Variants in PDLIM5 observed in about 807,000 individuals in gnomAD.
PDLIM5 encodes the protein PDZ and LIM domain protein 5.
In PDLIM5, 34 loss-of-function variants were observed where a neutral mutation model predicts 64.2. The ratio of observed to expected loss-of-function variants is 0.53; its 90% confidence interval spans 0.40 to 0.71. PDLIM5 has a LOEUF of 0.71. Among genes scored for constraint, PDLIM5 ranks in the 30% least tolerant of loss-of-function variants. The pLI, the probability that PDLIM5 is intolerant of heterozygous loss-of-function variation, is 0.00. For synonymous variants in PDLIM5, 253 were observed against 269.1 expected (o/e 0.94, Z 0.59); for missense variants, 683 against 733.6 (o/e 0.93, Z 0.80).
At chr4:94,621,531 G>A (rs568379471) in intron 8 of PDLIM5, among the ~76,000 whole-genome samples, 2 of 152,318 alleles carry the variant, frequency 1.3e-5, no homozygotes, top group African/African-American at 4.8e-5. Flanking sequence ...GGTAGAAACC[G>A]AAGAGAAGGC....
chr4:94,660,575 C>T (rs548091902), intron 11 of PDLIM5, among the ~76,000 whole-genome samples: 44 of 152,188 alleles, frequency 2.9e-4, no homozygotes, highest in African/African-American at 1.0e-3. Flanking sequence ...TCATGACATC[C>T]TCTTTCCAAT....
intron 3 of PDLIM5, among the ~76,000 whole-genome samples, chr4:94,543,743 G>A (rs1189358044): frequency 1.3e-5 from 2 of 150,062 alleles, no homozygotes; most frequent in East Asian, 4.0e-4. Flanking sequence ...ACAAATGACA[G>A]GATTTCCTCA....
intron 3 of PDLIM5, among the ~76,000 whole-genome samples, chr4:94,557,555 A>G (rs1395319811): frequency 6.6e-6 from 1 of 152,146 alleles, no homozygotes; most frequent in Admixed American, 6.5e-5. Context: ...ATGTTCTTCC[A>G]TTTGTTTGTG....
intron 10 of PDLIM5, among the ~76,000 whole-genome samples, chr4:94,656,267 T>C (rs1475882902): frequency 1.3e-5 from 2 of 152,262 alleles, no homozygotes; most frequent in East Asian, 1.9e-4. Flanking sequence ...ATAAATATTA[T>C]AGAAAGAGTA....
intron 11 of PDLIM5, 22 bp downstream of exon 11, chr4:94,657,569 T>G (rs979786838): frequency 7.6e-6 from 12 of 1,582,022 alleles, no homozygotes; most frequent in Non-Finnish European, 8.6e-6. Context: ...GAGCCATTTG[T>G]TTCTTGAATT....
chr4:94,650,339 G>A (rs542517103), intron 9 of PDLIM5, among the ~76,000 whole-genome samples: 1 of 152,184 alleles, frequency 6.6e-6, no homozygotes, highest in East Asian at 1.9e-4. Flanking sequence ...CTCAATGTTG[G>A]CAAATACAAA....
intron 2 of PDLIM5, among the ~76,000 whole-genome samples, chr4:94,465,424 G>A (rs1724262324): frequency 6.6e-6 from 1 of 151,974 alleles, no homozygotes; most frequent in Admixed American, 6.6e-5. Context: ...TTTTTGAGAT[G>A]GAGTCTCGCT....
chr4:94,594,712 T>TA (rs1421021756), intron 7 of PDLIM5, among the ~76,000 whole-genome samples: 2 of 152,154 alleles, frequency 1.3e-5, no homozygotes, highest in Non-Finnish European at 2.9e-5. Context: ...ATTATAATAA[T>TA]ATCAATCTTT....
At chr4:94,582,223 G>A (rs1420379391) in intron 5 of PDLIM5, among the ~76,000 whole-genome samples, 1 of 152,140 alleles carries the variant, frequency 6.6e-6, no homozygotes, top group Non-Finnish European at 1.5e-5. Flanking sequence ...GAGACTGAAA[G>A]ATTTTTCTCT....
chr4:94,632,132 T>C lies in PDLIM5; in HGVS notation c.1109-8144T>C, dbSNP rs138373053. ...CATTTTCCCACCTTTCTGGCAGTTA[T>C]CCCACTATAATATAATTGACTGTTT... is the stretch of plus-strand genomic sequence containing the variant. On this transcript the variant is annotated intron_variant, in intron 8 of 12. Transcript: ENST00000317968. Among the ~76,000 whole-genome samples the C allele has an allele frequency of 3.5e-4, 54 of 152,362 alleles. No homozygotes were observed. The South Asian group carries it at 4.1e-3, about 12-fold the overall frequency.
chr4:94,466,694 A>G (rs1034529651), intron 2 of PDLIM5, among the ~76,000 whole-genome samples: 1 of 152,196 alleles, frequency 6.6e-6, no homozygotes, highest in Admixed American at 6.6e-5. Flanking sequence ...GCTTTTCTCT[A>G]ACTGCCAGCC....
At chr4:94,644,611 G>A (rs1304166383) in intron 9 of PDLIM5, among the ~76,000 whole-genome samples, 4 of 150,408 alleles carry the variant, frequency 2.7e-5, no homozygotes, top group Admixed American at 2.0e-4. Flanking sequence ...CTGCAACCTC[G>A]GCTCACTGCA....
intron 7 of PDLIM5, chr4:94,586,888 C>A: frequency 4.7e-6 from 5 of 1,072,252 alleles, no homozygotes; most frequent in African/African-American, 1.7e-5. Flanking sequence ...TTTTATAAGG[C>A]ATGTTTTCTG....
chr4:94,632,787 G>A (rs534473967), intron 8 of PDLIM5, among the ~76,000 whole-genome samples: 9 of 152,264 alleles, frequency 5.9e-5, no homozygotes, highest in African/African-American at 2.2e-4. Context: ...TTCAACCCAT[G>A]CTTGCTGGCT....
chr4:94,483,871 C>T (rs1726086364), intron 2 of PDLIM5, among the ~76,000 whole-genome samples: 1 of 152,106 alleles, frequency 6.6e-6, no homozygotes, highest in African/African-American at 2.4e-5. Context: ...TATCTTAGTA[C>T]AATTCTTCAT....
At chr4:94,530,033 G>T (rs1222355955) in intron 3 of PDLIM5, among the ~76,000 whole-genome samples, 1 of 152,104 alleles carries the variant, frequency 6.6e-6, no homozygotes, top group East Asian at 1.9e-4. Flanking sequence ...TGGTTTCTAT[G>T]AAAAAGGTGT....
chr4:94,556,048 C>T (rs1733276593), intron 3 of PDLIM5, among the ~76,000 whole-genome samples: 1 of 150,040 alleles, frequency 6.7e-6, no homozygotes, highest in Non-Finnish European at 1.5e-5. Context: ...AATGCTATCC[C>T]TCCCGCCTCC....
At chr4:94,537,618 A>C (rs146225387) in intron 3 of PDLIM5, among the ~76,000 whole-genome samples, 1 of 152,260 alleles carries the variant, frequency 6.6e-6, no homozygotes, top group African/African-American at 2.4e-5. Context: ...TTAGTAAGTA[A>C]AGCATATTAA....
At chr4:94,456,065 A>G (rs868309825) in intron 2 of PDLIM5, 9 of 1,141,290 alleles carry the variant, frequency 7.9e-6, no homozygotes, top group Admixed American at 6.6e-5. Context: ...AGACTTGACT[A>G]TATGTCAGGT....
Sources: allele counts gnomAD v4.1 joint callset (sites outside exome capture counted in the v4.1 genomes callset), GRCh38; gene constraint gnomAD v4.1.1; transcripts MANE v1.5; gene names NCBI Gene and HGNC (gene_info 2026-07-23, HGNC 2026-07-21).